Variants in PCDHGA2 observed in about 807,000 individuals in gnomAD.
PCDHGA2 encodes protocadherin gamma-A2.
In PCDHGA2, 40 loss-of-function variants were observed where a neutral mutation model predicts 59.2. That is an observed-to-expected ratio of 0.68 (90% CI 0.52 to 0.88). The LOEUF (loss-of-function observed/expected upper bound fraction) is 0.88, where lower values mean the gene tolerates loss of function less well. Ranked by LOEUF, PCDHGA2 falls within the 40% of genes least tolerant of loss-of-function variation. The probability of loss-of-function intolerance (pLI) is 0.00; values close to 1 mark genes in which losing one functional copy is unlikely to be tolerated. For missense variants in PCDHGA2, 1,226 were observed against 1,204.0 expected (o/e 1.02, Z -0.27); for synonymous variants, 560 against 526.0 (o/e 1.06, Z -0.89).
intron 1 of PCDHGA2, among the ~76,000 whole-genome samples, chr5:141,461,824 T>C (rs958063237): frequency 1.3e-5 from 2 of 151,968 alleles, no homozygotes; most frequent in African/African-American, 4.8e-5. Flanking sequence ...CAGCTAATTT[T>C]TTTTTCTTTT....
Position 141,421,318 on chromosome 5 carries a change from C to T in PCDHGA2, c.2425-73489C>T, listed in dbSNP as rs370020854. 5.6e-6 allele frequency: 9 copies of T among 1,613,824 alleles called. No homozygotes were observed. In the East Asian group the frequency reaches 2.0e-4, roughly 36 times the overall value. On this transcript the variant is annotated intron_variant, in intron 1 of 3. Coordinates refer to ENST00000394576, the MANE Select transcript of PCDHGA2 (RefSeq NM_018915.4). ...GACGCTGCGGGGGTTCCGGGCCAGG[C>T]AGATCCGATATTCGGTGCCAGAAGA...
rs368155258 is a variant in PCDHGA2 at position 141,394,236 on chromosome 5, A to T, written c.2424+52841A>T. 3.1e-5 allele frequency: 50 copies of T among 1,613,818 alleles called. No individual in the cohort carries two copies. The highest frequency in any genetic ancestry group is 3.9e-5 in the Non-Finnish European group (46 of 1,179,848). On this transcript the variant is annotated intron_variant, in intron 1 of 3. Transcript: ENST00000394576. ...GAGAGGAGCCTCCATCTTTTCCTTG[A>T]CTGCACACGACCCCGACAGCCAGGA...
At chr5:141,356,548 C>G in intron 1 of PCDHGA2, 1 of 1,614,130 alleles carries the variant, frequency 6.2e-7, no homozygotes, top group Non-Finnish European at 8.5e-7. Context: ...TGACAACCCA[C>G]CCACTTTCCC....
intron 1 of PCDHGA2, chr5:141,394,876 G>T: frequency 1.2e-6 from 2 of 1,613,866 alleles, no homozygotes; most frequent in Middle Eastern, 1.6e-4. Flanking sequence ...AACGATTCGA[G>T]CCTTACACTC....
rs1364667381 is a variant in PCDHGA2, at chr5:141,355,397, T to G, written c.2424+14002T>G. The G allele has an allele frequency of 3.7e-6, 6 of 1,614,048 alleles. No individual in the cohort carries two copies. The South Asian group carries it at 6.6e-5, about 18-fold the overall frequency. On this transcript the variant is annotated intron_variant, in intron 1 of 3. Coordinates refer to ENST00000394576, the MANE Select transcript of PCDHGA2 (RefSeq NM_018915.4). ...GAGCTGGCGGAGCGCGGAGTCCGCA[T>G]CGTCTCCAGAGGTAGGACGCAGCTT...
chr5:141,400,281 C>G, intron 1 of PCDHGA2: 5 of 1,614,016 alleles, frequency 3.1e-6, no homozygotes, highest in Non-Finnish European at 4.2e-6. Context: ...CCAGCCCTGC[C>G]GCCTGGAGCT....
Position 141,485,190 on chromosome 5 carries a change from G to C in PCDHGA2, c.2425-9617G>C. 6.2e-7 allele frequency: 1 copy of C among 1,613,920 alleles called. No individual in the cohort carries two copies. Among genetic ancestry groups the C allele is most frequent in the Non-Finnish European group, 8.5e-7 (1 of 1,179,788 alleles). Reference sequence around the variant, plus strand: ...GCGGCAGCAATGCTCCGCAAGGTGAGAAGCTGGACAGAAATCTGGCGGTGG... The same window carrying C: ...GCGGCAGCAATGCTCCGCAAGGTGACAAGCTGGACAGAAATCTGGCGGTGG... On this transcript the variant is annotated intron_variant, in intron 1 of 3. Coordinates refer to ENST00000394576, the MANE Select transcript of PCDHGA2 (RefSeq NM_018915.4). This position sits in a 1 kb window ranked among gnomAD's most constrained non-coding sequence, Gnocchi z 5.7.
intron 1 of PCDHGA2, among the ~76,000 whole-genome samples, chr5:141,470,151 CT>C (rs746135943): frequency 7.2e-5 from 11 of 152,164 alleles, no homozygotes; most frequent in Non-Finnish European, 1.6e-4. Flanking sequence ...CATAGATCAT[CT>C]TATCAAATCA....
chr5:141,431,003 G>T lies in PCDHGA2; in HGVS notation c.2425-63804G>T, dbSNP rs2097334899. ...GCTTTTCGCCCTGAATCCGCGCAGC[G>T]GCAGCTTGGTCACGGCGGGCAGGAT... On this transcript the variant is annotated intron_variant, in intron 1 of 3. Coordinates refer to ENST00000394576, the MANE Select transcript of PCDHGA2 (RefSeq NM_018915.4). This position sits in a 1 kb window ranked among gnomAD's most constrained non-coding sequence, Gnocchi z 4.8. 1.9e-6 allele frequency: 3 copies of T among 1,613,960 alleles called. No homozygotes were observed. The highest frequency in any genetic ancestry group is 2.5e-6 in the Non-Finnish European group (3 of 1,179,982).
chr5:141,410,817 A>T, intron 1 of PCDHGA2: 1 of 524,252 alleles, frequency 1.9e-6, no homozygotes, highest in Non-Finnish European at 3.1e-6. Context: ...TTGTAAAATA[A>T]TGTCACCAGA....
At position 141,355,838 on chromosome 5, in the gene PCDHGA2, C is replaced by T. The variant is rs201855847; in HGVS notation, c.2424+14443C>T. ...GAGGCGGTTCACCACCTCGTTCTCA[C>T]GGCCTTCGATGGAGGTGACCCGGTT... On this transcript the variant is annotated intron_variant, in intron 1 of 3. Coordinates refer to ENST00000394576, the MANE Select transcript of PCDHGA2 (RefSeq NM_018915.4). The T allele has an allele frequency of 8.7e-6, 14 of 1,611,996 alleles. No individual in the cohort carries two copies. In the South Asian group the frequency reaches 9.9e-5, roughly 11 times the overall value.
At chr5:141,350,478 A>G (rs527554810) in intron 1 of PCDHGA2, 5 of 1,613,892 alleles carry the variant, frequency 3.1e-6, no homozygotes, top group Non-Finnish European at 4.2e-6. Flanking sequence ...GATTATTTCA[A>G]CGTTAGTTTG....
intron 1 of PCDHGA2, chr5:141,409,367 G>A: frequency 1.9e-6 from 3 of 1,614,000 alleles, no homozygotes; most frequent in Non-Finnish European, 2.5e-6. Context: ...TATAGAAACA[G>A]ACATTCCATT....
chr5:141,422,811 C>T (rs748248571), intron 1 of PCDHGA2: 1 of 1,614,248 alleles, frequency 6.2e-7, no homozygotes, highest in Non-Finnish European at 8.5e-7. Context: ...AGTTTCGAGA[C>T]TTAGAACTGA....
intron 1 of PCDHGA2, among the ~76,000 whole-genome samples, chr5:141,407,092 T>C (rs917246877): frequency 1.3e-5 from 2 of 152,360 alleles, no homozygotes; most frequent in Admixed American, 6.5e-5. Context: ...AGAATTGTTT[T>C]ATTTGTTTGT....
chr5:141,463,910 A>G (rs2099071862), intron 1 of PCDHGA2, among the ~76,000 whole-genome samples: 1 of 152,178 alleles, frequency 6.6e-6, no homozygotes, highest in Admixed American at 6.5e-5. Flanking sequence ...CTAATAATAT[A>G]TCCTGGAAAT....
At chr5:141,444,644 G>T (rs1300191764) in intron 1 of PCDHGA2, among the ~76,000 whole-genome samples, 1 of 151,892 alleles carries the variant, frequency 6.6e-6, no homozygotes, top group Non-Finnish European at 1.5e-5. Flanking sequence ...ATTGAGGTAG[G>T]GGTTGAAGTT....
At chr5:141,436,327 C>T (rs1384222077) in intron 1 of PCDHGA2, among the ~76,000 whole-genome samples, 1 of 152,098 alleles carries the variant, frequency 6.6e-6, no homozygotes, top group Admixed American at 6.5e-5. Flanking sequence ...ACTGTTAGAC[C>T]ATATCTCAAA....
intron 1 of PCDHGA2, chr5:141,399,919 G>A: frequency 6.2e-7 from 1 of 1,612,300 alleles, no homozygotes; most frequent in Non-Finnish European, 8.5e-7. Flanking sequence ...AGGACACAAC[G>A]CCTGGCTGTC....
Sources: gnomAD v4.1 joint callset for allele counts (sites outside exome capture counted in the v4.1 genomes callset) on GRCh38, gnomAD v4.1.1 for gene constraint, Gnocchi (gnomAD v3.1) non-coding constraint, MANE v1.5 for transcripts, NCBI Gene and HGNC (gene_info 2026-07-23, HGNC 2026-07-21) for gene names.